Variants in EEFSEC observed in about 807,000 individuals in gnomAD.
EEFSEC encodes eukaryotic elongation factor, selenocysteine-tRNA specific.
In EEFSEC, 43 loss-of-function variants were observed where a neutral mutation model predicts 42.1. The observed-to-expected ratio is 1.02, with a 90% confidence interval of 0.80 to 1.32. EEFSEC has a LOEUF of 1.32. EEFSEC is among the 40% of genes most tolerant of loss of function. The pLI is 0.00. For synonymous variants in EEFSEC, 354 were observed against 339.1 expected (o/e 1.04, Z -0.48); for missense variants, 745 against 803.6 (o/e 0.93, Z 0.88).
intron 1 of EEFSEC, among the ~76,000 whole-genome samples, chr3:128,207,941 CAG>C (rs1212327261): frequency 1.3e-5 from 2 of 152,216 alleles, no homozygotes; most frequent in African/African-American, 2.4e-5. Flanking sequence ...TCAGTTCTGA[CAG>C]GGGGTGCTAG....
At chr3:128,236,050 C>T (rs1042403109) in intron 1 of EEFSEC, among the ~76,000 whole-genome samples, 3 of 152,168 alleles carry the variant, frequency 2.0e-5, no homozygotes, top group Admixed American at 6.5e-5. Context: ...CTGCAACCTC[C>T]GCCTCCCGGG....
chr3:128,350,088 C>T (rs534937149), intron 5 of EEFSEC, among the ~76,000 whole-genome samples: 1 of 152,344 alleles, frequency 6.6e-6, no homozygotes, highest in South Asian at 2.1e-4. Flanking sequence ...GCAGCATTGG[C>T]CCAACCAAGT....
chr3:128,318,971 G>A (rs780031434), intron 4 of EEFSEC, among the ~76,000 whole-genome samples: 3 of 152,200 alleles, frequency 2.0e-5, no homozygotes, highest in South Asian at 2.1e-4. Flanking sequence ...ATGACTTGCC[G>A]GTGTTCAAGT....
intron 4 of EEFSEC, among the ~76,000 whole-genome samples, chr3:128,307,023 A>T: frequency 6.6e-6 from 1 of 152,248 alleles, no homozygotes. Context: ...TTTGGACTTA[A>T]TTGGAACCAG....
intron 1 of EEFSEC, among the ~76,000 whole-genome samples, chr3:128,241,662 A>C (rs1242060742): frequency 6.6e-6 from 1 of 152,142 alleles, no homozygotes; most frequent in Non-Finnish European, 1.5e-5. Context: ...CACATTGCAG[A>C]GTTGGTGTTG....
chr3:128,391,972 C>T (rs1483817961), intron 6 of EEFSEC, among the ~76,000 whole-genome samples: 4 of 152,218 alleles, frequency 2.6e-5, no homozygotes, highest in Non-Finnish European at 4.4e-5. Context: ...GGGCGAGTGC[C>T]TGAGTGTGCC....
In EEFSEC at chr3:128,172,342, C is replaced by T. The variant is rs1294348856; in HGVS notation, c.316+18519C>T. On this transcript the variant is annotated intron_variant, in intron 1 of 6. Transcript: ENST00000254730. ...GGGTGGCCTGGGTCTAGCGGAAATG[C>T]CACCTGGCCTCTCTGAGCCTGTCTG... 1.3e-5 allele frequency among the ~76,000 whole-genome samples: 2 copies of T among 152,212 alleles called. 1 individual carries two copies. Among genetic ancestry groups the T allele is most frequent in the African/African-American group, 4.8e-5 (2 of 41,456 alleles).
chr3:128,219,470 C>G (rs2065842560), intron 1 of EEFSEC, among the ~76,000 whole-genome samples: 1 of 152,150 alleles, frequency 6.6e-6, no homozygotes, highest in Non-Finnish European at 1.5e-5. Flanking sequence ...CTTCCTTCTC[C>G]CCCTCAGACC....
chr3:128,275,267 T>G (rs1028093942), intron 4 of EEFSEC, among the ~76,000 whole-genome samples: 1 of 152,194 alleles, frequency 6.6e-6, no homozygotes, highest in African/African-American at 2.4e-5. Flanking sequence ...CAATTGACAG[T>G]GCCAGGTTGT....
At chr3:128,389,069 C>T (rs1302253167) in intron 6 of EEFSEC, among the ~76,000 whole-genome samples, 1 of 152,176 alleles carries the variant, frequency 6.6e-6, no homozygotes, top group African/African-American at 2.4e-5. Context: ...GCAAGGGAGC[C>T]GGTGTGCCCT....
rs1410468842 is a variant in EEFSEC, at chr3:128,317,070, TAAAG to T, written c.787-24158_787-24155del. On this transcript the variant is annotated intron_variant, in intron 4 of 6. Transcript: ENST00000254730. The surrounding 1 kb of genome is among the most constrained non-coding windows in gnomAD (Gnocchi z 4.1). Reference sequence around the variant, plus strand: ...ATGTGCAAGAGCACATCTGGGGTCTTAAAGAAAGCAGAAAGAAAAATAGAAGACG... The same window carrying T: ...ATGTGCAAGAGCACATCTGGGGTCTTAAAGCAGAAAGAAAAATAGAAGACG... Among the ~76,000 whole-genome samples the T allele has an allele frequency of 1.3e-5, 2 of 152,152 alleles. No individual in the cohort carries two copies. The highest frequency in any genetic ancestry group is 4.8e-5 in the African/African-American group (2 of 41,434).
At chr3:128,301,154 G>A (rs904128350) in intron 4 of EEFSEC, among the ~76,000 whole-genome samples, 1 of 152,132 alleles carries the variant, frequency 6.6e-6, no homozygotes, top group Non-Finnish European at 1.5e-5. Flanking sequence ...TTCCGTCCTG[G>A]GGGGGTCATG....
At chr3:128,245,214 A>G (rs538834895) in intron 1 of EEFSEC, among the ~76,000 whole-genome samples, 2 of 152,348 alleles carry the variant, frequency 1.3e-5, no homozygotes, top group South Asian at 2.1e-4. Context: ...ACTAGCCAAC[A>G]TGAGCCTGCC....
intron 6 of EEFSEC, among the ~76,000 whole-genome samples, chr3:128,378,520 C>T (rs2067735736): frequency 1.3e-5 from 2 of 152,222 alleles, no homozygotes; most frequent in South Asian, 4.1e-4. Flanking sequence ...ATAAGCCCAC[C>T]TACAGGCAGC....
intron 1 of EEFSEC, among the ~76,000 whole-genome samples, chr3:128,176,530 A>G (rs958097741): frequency 6.6e-6 from 1 of 152,214 alleles, no homozygotes; most frequent in Non-Finnish European, 1.5e-5. Context: ...GCACACTGAT[A>G]GGTACCAATC....
downstream of EEFSEC, among the ~76,000 whole-genome samples, chr3:128,409,066 G>A (rs868467162): frequency 6.0e-4 from 91 of 152,306 alleles, no homozygotes; most frequent in African/African-American, 2.0e-3. Flanking sequence ...ACCCTGCAGA[G>A]CCATCTGCCA....
intron 1 of EEFSEC, among the ~76,000 whole-genome samples, chr3:128,239,731 A>G (rs2066051118): frequency 1.3e-5 from 2 of 152,212 alleles, no homozygotes; most frequent in Non-Finnish European, 2.9e-5. Context: ...CAGAAATGCA[A>G]TTATTGTTTC....
intron 1 of EEFSEC, among the ~76,000 whole-genome samples, chr3:128,166,044 A>G (rs1015984646): frequency 5.9e-5 from 9 of 152,246 alleles, no homozygotes; most frequent in Non-Finnish European, 1.0e-4. Flanking sequence ...ATTTTCTAAA[A>G]AGATGATCCA....
At chr3:128,274,082 G>A (rs553636501) in intron 4 of EEFSEC, among the ~76,000 whole-genome samples, 2 of 152,292 alleles carry the variant, frequency 1.3e-5, no homozygotes, top group African/African-American at 4.8e-5. Flanking sequence ...TTAGGATTCA[G>A]CCTCTCCCCT....
Sources: allele counts gnomAD v4.1 joint callset (sites outside exome capture counted in the v4.1 genomes callset), GRCh38; gene constraint gnomAD v4.1.1; non-coding constraint Gnocchi (gnomAD v3.1); transcripts MANE v1.5; gene names NCBI Gene and HGNC (gene_info 2026-07-23, HGNC 2026-07-21).